The following FAM153A variants were observed in gnomAD, a reference collection of about 807,000 sequenced individuals.
FAM153A encodes the protein family with sequence similarity 153 member A, also known as protein FAM153A.
FAM153A carries 12 observed loss-of-function variants against 48.1 expected under a neutral mutation model. The observed-to-expected ratio is 0.25, with a 90% CI of 0.16 to 0.40. FAM153A has a LOEUF of 0.40. Among genes scored for constraint, FAM153A ranks in the 10% least tolerant of loss-of-function variants. The pLI, the probability that FAM153A is intolerant of heterozygous loss-of-function variation, is 1.00. For missense variants in FAM153A, 111 were observed against 345.8 expected (o/e 0.32, Z 5.38); for synonymous variants, 36 against 118.2 (o/e 0.30, Z 4.51).
chr5:177,706,459 A>T (rs1757900865), downstream of FAM153A, among the ~76,000 whole-genome samples: 1 of 151,924 alleles, frequency 6.6e-6, no homozygotes, highest in Admixed American at 6.6e-5. Flanking sequence ...TCGGCCTCCC[A>T]AAGTGCTGGG....
At chr5:177,696,145 G>A in the FAM153A span, among the ~76,000 whole-genome samples, 1 of 136,520 alleles carries the variant, frequency 7.3e-6, no homozygotes, top group African/African-American at 2.8e-5. Flanking sequence ...CTTCCCAGAC[G>A]GGGTGGCGGC....
At chr5:177,696,668 A>ATT in the FAM153A span, among the ~76,000 whole-genome samples, 123 of 142,042 alleles carry the variant, frequency 8.7e-4, no homozygotes, top group African/African-American at 3.1e-3. Context: ...CACTCTCCTG[A>ATT]TTTTTTTTTT....
chr5:177,701,765 C>A, the FAM153A span, among the ~76,000 whole-genome samples: 5 of 151,630 alleles, frequency 3.3e-5, no homozygotes, highest in African/African-American at 1.2e-4. Context: ...CAGAAAACGA[C>A]AGGAAGATGA....
chr5:177,734,431 T>C, intron 13 of FAM153A, 27 bp from the exon 16 acceptor site: 1 of 1,106,966 alleles, frequency 9.0e-7, no homozygotes, highest in Non-Finnish European at 1.3e-6. Context: ...TAAATTGCTA[T>C]GAGCATCAGA....
intron 25 of FAM153A, among the ~76,000 whole-genome samples, chr5:177,715,076 T>C (rs1208619626): frequency 1.4e-5 from 2 of 139,670 alleles, no homozygotes; most frequent in African/African-American, 5.1e-5. Flanking sequence ...AGCTAAAGGA[T>C]GTCAACAAAA....
intron 1 of FAM153A, among the ~76,000 whole-genome samples, chr5:177,766,173 A>G (rs1561955939): frequency 2.8e-5 from 3 of 108,006 alleles, no homozygotes; most frequent in African/African-American, 9.3e-5. Context: ...ATAAAAAAAA[A>G]AAAGAAAGAC....
At chr5:177,735,053 A>G in intron 12 of FAM153A, 120 bp from the exon 15 acceptor site, 1 of 663,762 alleles carries the variant, frequency 1.5e-6, no homozygotes, top group Non-Finnish European at 2.5e-6. Context: ...GCAGGAAGAA[A>G]GGGAATCAGG....
At chr5:177,753,021 A>AC (rs1767232262) in intron 1 of FAM153A, among the ~76,000 whole-genome samples, 1 of 144,966 alleles carries the variant, frequency 6.9e-6, no homozygotes, top group African/African-American at 2.6e-5. Context: ...GAATAAAAAA[A>AC]CACAAATTGA....
At chr5:177,761,074 TCATCTGGATATGC>T (rs1217245529) in intron 1 of FAM153A, among the ~76,000 whole-genome samples, 3 of 151,268 alleles carry the variant, frequency 2.0e-5, no homozygotes, top group Non-Finnish European at 4.4e-5. Context: ...GAGGTTGGAA[TCATCTGGATATGC>T]CATCATGCAC....
At position 177,765,099 on chromosome 5, in the gene FAM153A, CG is replaced by C. The variant is rs1768641833; in HGVS notation, c.-57+15349del. Among the ~76,000 whole-genome samples the C allele has an allele frequency of 2.8e-5, 2 of 71,410 alleles. 1 individual carries two copies. The highest frequency in any genetic ancestry group is 8.8e-4 in the East Asian group (2 of 2,268). 46.8% of individuals were successfully genotyped at this position (71,410 alleles called of 152,430 possible). A position where few individuals can be genotyped will look rare whatever the true frequency, so the allele number is the denominator to read the frequency against. On this transcript the variant is annotated intron_variant, in intron 1 of 8. Transcript: ENST00000393518. ...GGCCCAAGGAAACAGCTTGGAATAACGGATTGGCCCAGAATGCATGGCTACC... is the reference window on the plus strand; with the variant it reads ...GGCCCAAGGAAACAGCTTGGAATAACGATTGGCCCAGAATGCATGGCTACC...
chr5:177,769,603 G>A (rs1251246824), intron 1 of FAM153A, among the ~76,000 whole-genome samples: 1 of 96,658 alleles, frequency 1.0e-5, no homozygotes, highest in Non-Finnish European at 2.1e-5. Context: ...CAGCAACAGG[G>A]ATCCTTGCAA....
chr5:177,708,528 G>C (rs890474767), downstream of FAM153A, among the ~76,000 whole-genome samples: 1 of 151,804 alleles, frequency 6.6e-6, no homozygotes, highest in African/African-American at 2.4e-5. Context: ...GGTGAGCAGA[G>C]ATCGTGCCAT....
chr5:177,778,261 T>TAAAAA (rs774084490), intron 1 of FAM153A, among the ~76,000 whole-genome samples: 331 of 19,866 alleles, frequency 0.017, no homozygotes, highest in East Asian at 0.036. Flanking sequence ...TAGAGTATAA[T>TAAAAA]AAAAAAAAAA....
upstream of FAM153A, among the ~76,000 whole-genome samples, chr5:177,755,932 G>T (rs10155533): frequency 6.6e-6 from 1 of 150,724 alleles, no homozygotes. Context: ...GTCAACTAAC[G>T]AGCAAAATAA....
At chr5:177,727,135 C>A (rs1278990780) in intron 18 of FAM153A, among the ~76,000 whole-genome samples, 15 of 150,970 alleles carry the variant, frequency 9.9e-5, no homozygotes, top group African/African-American at 3.5e-4. Flanking sequence ...TGATTCCTGG[C>A]AGAGTGGTTT....
chr5:177,719,589 G>A (rs568513973), downstream of FAM153A, among the ~76,000 whole-genome samples: 5 of 138,806 alleles, frequency 3.6e-5, no homozygotes, highest in South Asian at 2.4e-4. Context: ...TTTTTTTTTC[G>A]AGGTGGAGTC....
chr5:177,755,205 C>T (rs528505970), upstream of FAM153A, among the ~76,000 whole-genome samples: 11 of 151,758 alleles, frequency 7.2e-5, no homozygotes, highest in South Asian at 2.1e-4. Context: ...CCTCAGTAGT[C>T]GATTCGATCA....
At chr5:177,709,093 CAAAAAAAAAAAAAAAAA>C (rs56257501), downstream of FAM153A, among the ~76,000 whole-genome samples, 25 of 34,120 alleles carry the variant, frequency 7.3e-4, no homozygotes, top group East Asian at 4.8e-3. Context: ...GACTCCGTCT[CAAAAAAAAAAAAAAAAA>C]AAAAAAAAAA....
intron 10 of FAM153A, 36 bp downstream of exon 12, chr5:177,739,077 T>G (rs1380948099): frequency 1.2e-6 from 2 of 1,611,220 alleles, no homozygotes; most frequent in East Asian, 2.2e-5. Flanking sequence ...ACACTAAGAT[T>G]TTTCCTTAGC....
Sources: gnomAD v4.1 joint callset for allele counts (sites outside exome capture counted in the v4.1 genomes callset) on GRCh38, gnomAD v4.1.1 for gene constraint, MANE v1.5 for transcripts, NCBI Gene and HGNC (gene_info 2026-07-23, HGNC 2026-07-21) for gene names.